The following KLC1 variants were observed in gnomAD, a reference collection of about 807,000 sequenced individuals.
The protein encoded by KLC1 is kinesin 2 60/70kDa.
In KLC1, 30 loss-of-function variants were observed where a neutral mutation model predicts 84.2. That is an observed-to-expected ratio of 0.36 (90% CI 0.27 to 0.48). The LOEUF (loss-of-function observed/expected upper bound fraction) is 0.48, where lower values mean the gene tolerates loss of function less well. Ranked by LOEUF, KLC1 falls within the 20% of genes least tolerant of loss-of-function variation. The pLI, the probability that KLC1 is intolerant of heterozygous loss-of-function variation, is 0.99. For synonymous variants in KLC1, 289 were observed against 293.3 expected (o/e 0.99, Z 0.15); for missense variants, 499 against 805.4 (o/e 0.62, Z 4.60).
chr14:103,633,394 T>C (rs1038335933), intron 1 of KLC1, among the ~76,000 whole-genome samples: 1 of 152,058 alleles, frequency 6.6e-6, no homozygotes, highest in African/African-American at 2.4e-5. Context: ...GTTGCCACTT[T>C]AGAAAGAGCA....
intron 1 of KLC1, among the ~76,000 whole-genome samples, chr14:103,645,336 G>T (rs2077834242): frequency 6.6e-6 from 1 of 152,174 alleles, no homozygotes; most frequent in African/African-American, 2.4e-5. Flanking sequence ...AGACCTAGCT[G>T]CCCTACCAGG....
chr14:103,666,687 T>A, intron 5 of KLC1, among the ~76,000 whole-genome samples: 1 of 148,258 alleles, frequency 6.7e-6, no homozygotes, highest in Non-Finnish European at 1.5e-5. Flanking sequence ...AACCTCTGCC[T>A]CCCGGGTTGA....
At chr14:103,646,069 T>C (rs887375478) in intron 1 of KLC1, among the ~76,000 whole-genome samples, 3 of 152,166 alleles carry the variant, frequency 2.0e-5, no homozygotes, top group African/African-American at 7.2e-5. Flanking sequence ...GGTGTTATAA[T>C]CTTATGGGAC....
At chr14:103,691,087 T>C (rs564751806) in intron 14 of KLC1, among the ~76,000 whole-genome samples, 48 of 151,908 alleles carry the variant, frequency 3.2e-4, no homozygotes, top group Non-Finnish European at 6.0e-4. Context: ...ACATGAGCCC[T>C]GGAGCACCCT....
Position 103,667,092 on chromosome 14 carries a change from A to G in KLC1, c.798-2419A>G, listed in dbSNP as rs371056892. Among the ~76,000 whole-genome samples the G allele has an allele frequency of 8.4e-4, 126 of 150,074 alleles. 1 individual carries two copies. In the Middle Eastern group the frequency reaches 0.033, roughly 39 times the overall value. ...CCATGTCCGGCCTCATTTAATTCTCATAACACTTTAGGTAGCTTATTTTAT... is the reference window on the plus strand; with the variant it reads ...CCATGTCCGGCCTCATTTAATTCTCGTAACACTTTAGGTAGCTTATTTTAT... On this transcript the variant is annotated intron_variant, in intron 5 of 16. Transcript: ENST00000334553.
chr14:103,700,548 C>A, intron 15 of KLC1, 107 bp from the exon 16 acceptor site: 1 of 907,290 alleles, frequency 1.1e-6, no homozygotes, highest in Non-Finnish European at 1.7e-6. Context: ...GGCTGTCCCT[C>A]AAGTCCAAGG....
chr14:103,641,022 T>C (rs1375035548), intron 1 of KLC1, among the ~76,000 whole-genome samples: 1 of 152,010 alleles, frequency 6.6e-6, no homozygotes, highest in Non-Finnish European at 1.5e-5. Context: ...CCTTCTGGGT[T>C]CCAGCAATTC....
Position 103,693,895 on chromosome 14 carries a change from C to T in KLC1, c.1848+1470C>T, listed in dbSNP as rs1326883702. ...CGAGGTGGCGCTGAGGTGGCTTCAG[C>T]ACGCTGGGGATTGGCTCCTGCTCAC... On this transcript the variant is annotated intron_variant, in intron 15 of 16. Coordinates refer to ENST00000334553, the MANE Select transcript of KLC1 (RefSeq NM_001394837.1). The surrounding 1 kb of genome is among the most constrained non-coding windows in gnomAD (Gnocchi z 5.1). 13 of 1,311,794 alleles carry T rather than the reference C, an allele frequency of 9.9e-6. No individual in the cohort carries two copies. The highest frequency in any genetic ancestry group is 1.3e-5 in the Non-Finnish European group (13 of 1,030,662). 81.3% of individuals were successfully genotyped at this position (1,311,794 alleles called of 1,614,324 possible). A position where few individuals can be genotyped will look rare whatever the true frequency, so the allele number is the denominator to read the frequency against.
At position 103,693,496 on chromosome 14, in the gene KLC1, C is replaced by G. The variant is rs2082239025; in HGVS notation, c.1848+1071C>G. On this transcript the variant is annotated intron_variant, in intron 15 of 16. Transcript: ENST00000334553. This position sits in a 1 kb window ranked among gnomAD's most constrained non-coding sequence, Gnocchi z 5.1. Reference sequence around the variant, plus strand: ...CTGTTAGGCCTGAGGCCATTTGAAGCTGGCATCATTTGAAGTCCTGGTTAA... The same window carrying G: ...CTGTTAGGCCTGAGGCCATTTGAAGGTGGCATCATTTGAAGTCCTGGTTAA... 4.8e-5 allele frequency: 73 copies of G among 1,534,436 alleles called. No homozygotes were observed. The highest frequency in any genetic ancestry group is 6.4e-5 in the Non-Finnish European group (73 of 1,146,062).
intron 15 of KLC1, chr14:103,699,285 C>T: frequency 6.5e-7 from 1 of 1,543,036 alleles, no homozygotes; most frequent in African/African-American, 1.4e-5. Flanking sequence ...TGCCACCCGC[C>T]CCACCTCCAG....
chr14:103,676,400 C>A (rs1389871299), intron 11 of KLC1, among the ~76,000 whole-genome samples: 2 of 152,190 alleles, frequency 1.3e-5, no homozygotes, highest in African/African-American at 4.8e-5. Context: ...TCCCGAATAG[C>A]TGAGACTACA....
At chr14:103,680,446 G>C (rs983257306) in intron 13 of KLC1, among the ~76,000 whole-genome samples, 1 of 152,012 alleles carries the variant, frequency 6.6e-6, no homozygotes, top group Non-Finnish European at 1.5e-5. Flanking sequence ...TTGTAGTTTT[G>C]GGCTTTCTTA....
At chr14:103,692,224 C>G (rs2082163518) in intron 14 of KLC1, 135 bp from the exon 15 acceptor site, 5 of 712,944 alleles carry the variant, frequency 7.0e-6, no homozygotes, top group Non-Finnish European at 1.2e-5. Flanking sequence ...CCCGGTTACC[C>G]AAGCAAGATG....
At chr14:103,690,883 G>T (rs1376746276) in intron 14 of KLC1, among the ~76,000 whole-genome samples, 1 of 152,178 alleles carries the variant, frequency 6.6e-6, no homozygotes, top group Non-Finnish European at 1.5e-5. Context: ...TTTAAGTGGA[G>T]AACCATGACT....
At chr14:103,686,309 T>C in intron 13 of KLC1, 1 of 753,946 alleles carries the variant, frequency 1.3e-6, no homozygotes, top group African/African-American at 1.9e-5. Flanking sequence ...CTAGGGGTCA[T>C]GGGGTGACAG....
intron 1 of KLC1, among the ~76,000 whole-genome samples, chr14:103,637,487 G>A (rs982983030): frequency 9.9e-5 from 15 of 151,142 alleles, no homozygotes; most frequent in Admixed American, 7.3e-4. Context: ...TCGAGATTGC[G>A]ACACTGCATT....
intron 13 of KLC1, among the ~76,000 whole-genome samples, chr14:103,681,502 C>T (rs60406091): frequency 2.4e-3 from 360 of 152,210 alleles, no homozygotes; most frequent in African/African-American, 8.5e-3. Flanking sequence ...CTCTCTCGCC[C>T]AGGCTGGAGT....
intron 14 of KLC1, among the ~76,000 whole-genome samples, chr14:103,691,121 G>T (rs563221297): frequency 1.3e-4 from 20 of 151,270 alleles, no homozygotes; most frequent in African/African-American, 4.8e-4. Context: ...CAGACTGAAG[G>T]CAGAGCCTCT....
At chr14:103,679,309 C>T (rs748301047) in intron 12 of KLC1, 75 bp from the exon 13 acceptor site, 22 of 1,355,698 alleles carry the variant, frequency 1.6e-5, no homozygotes, top group African/African-American at 1.5e-4. Flanking sequence ...TTTTTTCTAG[C>T]GAAGTATCTC....
Sources: allele counts gnomAD v4.1 joint callset (sites outside exome capture counted in the v4.1 genomes callset), GRCh38; gene constraint gnomAD v4.1.1; non-coding constraint Gnocchi (gnomAD v3.1); transcripts MANE v1.5; gene names NCBI Gene and HGNC (gene_info 2026-07-23, HGNC 2026-07-21).